Variants in ALPK1 observed in about 807,000 individuals in gnomAD.
ALPK1 encodes alpha kinase 1.
A neutral mutation model predicts 120.6 loss-of-function variants in ALPK1; 110 were observed. That is an observed-to-expected ratio of 0.91 (90% CI 0.78 to 1.07). The LOEUF is 1.07. ALPK1 is among the 50% of genes least tolerant of loss of function. ALPK1 has a pLI of 0.00. For missense variants in ALPK1, 1,498 were observed against 1,483.9 expected, an observed-to-expected ratio of 1.01 and a Z score of -0.16; for synonymous variants, 582 against 560.3, an observed-to-expected ratio of 1.04 and a Z score of -0.55.
chr4:112,323,055 A>G (rs1728931216), intron 2 of ALPK1, among the ~76,000 whole-genome samples: 1 of 152,092 alleles, frequency 6.6e-6, no homozygotes, highest in African/African-American at 2.4e-5. Flanking sequence ...ACTTTCTACA[A>G]GGTCCCTCTG....
At chr4:112,416,409 A>G (rs1248013323) in intron 5 of ALPK1, among the ~76,000 whole-genome samples, 1 of 152,192 alleles carries the variant, frequency 6.6e-6, no homozygotes, top group Non-Finnish European at 1.5e-5. Context: ...TTTAAAAAAA[A>G]TGTTGAAAAT....
At chr4:112,304,496 G>T (rs1248620726) in intron 1 of ALPK1, among the ~76,000 whole-genome samples, 4 of 152,042 alleles carry the variant, frequency 2.6e-5, no homozygotes, top group South Asian at 2.1e-4. Context: ...TTCTCTGATG[G>T]CCAGTGATGA....
chr4:112,372,211 CTT>C (rs1257056021), intron 2 of ALPK1, among the ~76,000 whole-genome samples: 4 of 142,274 alleles, frequency 2.8e-5, no homozygotes, highest in Non-Finnish European at 1.5e-5. Flanking sequence ...TACTTTCTTC[CTT>C]TTTTTTTTTT....
At chr4:112,335,187 C>T (rs906017250) in intron 2 of ALPK1, among the ~76,000 whole-genome samples, 1 of 148,322 alleles carries the variant, frequency 6.7e-6, no homozygotes, top group Admixed American at 6.9e-5. Flanking sequence ...ATCCGGCAGG[C>T]GGAGGTTGCG....
At chr4:112,357,264 G>C in intron 2 of ALPK1, 1 of 1,331,074 alleles carries the variant, frequency 7.5e-7, no homozygotes. Flanking sequence ...CTGGCAGGAC[G>C]TGCTGGGGTG....
intron 4 of ALPK1, among the ~76,000 whole-genome samples, chr4:112,396,760 T>C (rs980605629): frequency 2.2e-4 from 34 of 152,030 alleles, no homozygotes; most frequent in African/African-American, 6.8e-4. Flanking sequence ...CAGTAATCTA[T>C]GTAGAGCTGT....
chr4:112,377,962 A>G, intron 3 of ALPK1, 64 bp downstream of exon 3: 1 of 1,506,980 alleles, frequency 6.6e-7, no homozygotes. Flanking sequence ...CCCCTGCCTG[A>G]ACGACACGTT....
chr4:112,308,874 T>C (rs1728254984), intron 1 of ALPK1, among the ~76,000 whole-genome samples: 1 of 152,120 alleles, frequency 6.6e-6, no homozygotes, highest in African/African-American at 2.4e-5. Flanking sequence ...CCCATCTTTG[T>C]GGTTTTATCT....
intron 1 of ALPK1, among the ~76,000 whole-genome samples, chr4:112,297,710 GGTAAACT>G: frequency 6.6e-6 from 1 of 152,024 alleles, no homozygotes; most frequent in Middle Eastern, 3.4e-3. Flanking sequence ...TACCTACAAT[GGTAAACT>G]GTAGTCATTA....
intron 1 of ALPK1, among the ~76,000 whole-genome samples, chr4:112,306,663 G>A (rs1184058385): frequency 6.6e-6 from 1 of 151,930 alleles, no homozygotes; most frequent in Non-Finnish European, 1.5e-5. Context: ...AGTCTTGCTA[G>A]TGGTCTATCA....
intron 4 of ALPK1, among the ~76,000 whole-genome samples, chr4:112,385,413 C>T (rs1481378437): frequency 6.6e-6 from 1 of 152,138 alleles, no homozygotes; most frequent in African/African-American, 2.4e-5. Flanking sequence ...AGTAGCAGCT[C>T]TAAGGGGCGC....
intron 4 of ALPK1, among the ~76,000 whole-genome samples, chr4:112,403,794 C>T (rs1287959979): frequency 6.6e-6 from 1 of 152,230 alleles, no homozygotes; most frequent in Non-Finnish European, 1.5e-5. Flanking sequence ...TTCCAAGGAA[C>T]TCAAAGGCCC....
chr4:112,367,802 C>G (rs942038207), intron 2 of ALPK1, among the ~76,000 whole-genome samples: 3 of 152,056 alleles, frequency 2.0e-5, no homozygotes, highest in Admixed American at 2.0e-4. Flanking sequence ...TTTAGCCTGT[C>G]TTCATATATT....
intron 2 of ALPK1, among the ~76,000 whole-genome samples, chr4:112,344,806 A>G (rs184088000): frequency 5.7e-4 from 87 of 152,354 alleles, no homozygotes; most frequent in African/African-American, 2.0e-3. Flanking sequence ...TGAGGTGCAC[A>G]GCATAGCACC....
chr4:112,300,880 T>C (rs879582741), intron 1 of ALPK1, among the ~76,000 whole-genome samples: 4 of 152,190 alleles, frequency 2.6e-5, no homozygotes, highest in Non-Finnish European at 5.9e-5. Flanking sequence ...CTACTGCACC[T>C]CAAAATGCAC....
At chr4:112,429,002 C>T in intron 9 of ALPK1, 147 bp from the exon 10 acceptor site, 2 of 727,698 alleles carry the variant, frequency 2.7e-6, no homozygotes, top group South Asian at 1.5e-5. Flanking sequence ...TTTAGACCCA[C>T]TTACTCTTTC....
intron 2 of ALPK1, among the ~76,000 whole-genome samples, chr4:112,346,101 G>T (rs1730090232): frequency 6.6e-6 from 1 of 152,210 alleles, no homozygotes; most frequent in Non-Finnish European, 1.5e-5. Context: ...AACCTCAGGT[G>T]ATCTGCCCAC....
intron 13 of ALPK1, 149 bp downstream of exon 13, chr4:112,438,795 C>A (rs1734901733): frequency 9.3e-6 from 8 of 860,384 alleles, no homozygotes; most frequent in South Asian, 2.1e-5. Flanking sequence ...GAGAAAGAAC[C>A]CTAAAGATTT....
intron 2 of ALPK1, among the ~76,000 whole-genome samples, chr4:112,339,639 G>A (rs1357741992): frequency 6.6e-6 from 1 of 152,092 alleles, no homozygotes; most frequent in Admixed American, 6.5e-5. Flanking sequence ...CTGCAATGTT[G>A]TATAATTTTT....
Sources: gnomAD v4.1 joint callset for allele counts (sites outside exome capture counted in the v4.1 genomes callset) on GRCh38, gnomAD v4.1.1 for gene constraint, MANE v1.5 for transcripts, NCBI Gene and HGNC (gene_info 2026-07-23, HGNC 2026-07-21) for gene names.